ZFHX4: variants seen among roughly 807,000 people sequenced by gnomAD.
ZFHX4 encodes the protein zinc finger homeobox 4, also known as zinc finger homeobox protein 4.
Under a neutral mutation model 267.6 loss-of-function variants are expected in ZFHX4, and 56 were observed. The ratio of observed to expected loss-of-function variants is 0.21; its 90% CI spans 0.17 to 0.26. The LOEUF is 0.26. ZFHX4 is among the 10% of genes least tolerant of loss of function. The pLI, the probability that ZFHX4 is intolerant of heterozygous loss-of-function variation, is 1.00. For synonymous variants in ZFHX4, 1,778 were observed against 1,665.6 expected (o/e 1.07, Z -1.64); for missense variants, 4,332 against 4,420.0 (o/e 0.98, Z 0.56).
intron 3 of ZFHX4, among the ~76,000 whole-genome samples, chr8:76,766,450 T>A (rs1174296466): frequency 6.6e-6 from 1 of 152,142 alleles, no homozygotes; most frequent in Non-Finnish European, 1.5e-5. Context: ...TTAATTTTTA[T>A]CTCACATGTA....
intron 10 of ZFHX4, among the ~76,000 whole-genome samples, chr8:76,856,836 G>C (rs771934993): frequency 2.0e-5 from 3 of 152,068 alleles, no homozygotes; most frequent in African/African-American, 4.8e-5. Flanking sequence ...AGATTAATAG[G>C]ACTTATGTTT....
chr8:76,698,649 ATCT>A (rs1233584929), intron 1 of ZFHX4, among the ~76,000 whole-genome samples: 6 of 152,102 alleles, frequency 3.9e-5, no homozygotes, highest in South Asian at 4.1e-4. Flanking sequence ...AAGAAAACAA[ATCT>A]TCTTTGACTA....
chr8:76,848,921 T>C (rs1285536547), intron 6 of ZFHX4, 74 bp from the exon 7 acceptor site: 3 of 1,392,302 alleles, frequency 2.2e-6, no homozygotes, highest in Non-Finnish European at 2.8e-6. Flanking sequence ...GTCGCAAATG[T>C]TTGAAAAACA....
chr8:76,689,153 A>G (rs1200522541), intron 1 of ZFHX4, among the ~76,000 whole-genome samples: 1 of 152,146 alleles, frequency 6.6e-6, no homozygotes, highest in Admixed American at 6.5e-5. Flanking sequence ...TTAAAAGAAC[A>G]AAAAAATCCA....
At chr8:76,691,559 C>T (rs961032174) in intron 1 of ZFHX4, among the ~76,000 whole-genome samples, 5 of 151,942 alleles carry the variant, frequency 3.3e-5, no homozygotes, top group African/African-American at 4.8e-5. Flanking sequence ...ATTATTTAAA[C>T]GACATTATTT....
rs376246665 is a variant in ZFHX4 at position 76,854,626 on chromosome 8, A to G, written c.7705A>G (p.Thr2569Ala). The G allele has an allele frequency of 6.2e-7, 1 of 1,613,572 alleles. No individual in the cohort carries two copies. Among genetic ancestry groups the G allele is most frequent in the Non-Finnish European group, 8.5e-7 (1 of 1,179,860 alleles). The change falls in exon 10 of 11, where the codon ACA (threonine) becomes GCA (alanine). Residue 2569 changes from threonine to alanine, a missense_variant. Physicochemically the swap from Thr to Ala is moderately conservative, Grantham distance 58. This residue lies in a region of ZFHX4 where 1,648 missense variants were observed against 1,625.0 expected (regional missense o/e 1.01). Transcript: ENST00000651372. ...MPPQASSSHT[T>A]APTTVAASLK... Reference sequence around the variant, plus strand: ...CCCTCAGGCCAGTTCCTCCCACACCACAGCCCCCACAACGGTTGCTGCTTC... The same window carrying G: ...CCCTCAGGCCAGTTCCTCCCACACCGCAGCCCCCACAACGGTTGCTGCTTC...
intron 4 of ZFHX4, among the ~76,000 whole-genome samples, chr8:76,781,269 T>C (rs1421233491): frequency 6.6e-6 from 1 of 152,128 alleles, no homozygotes; most frequent in African/African-American, 2.4e-5. Flanking sequence ...TTCCTGATAA[T>C]GAATTTGCAC....
At chr8:76,835,227 A>ATATATATATATGTATATATATG (rs1554572148) in intron 5 of ZFHX4, among the ~76,000 whole-genome samples, 2 of 59,086 alleles carry the variant, frequency 3.4e-5, no homozygotes, top group Non-Finnish European at 6.6e-5. Flanking sequence ...ATGTATATAT[A>ATATATATATATGTATATATATG]TATATATATA....
chr8:76,689,544 C>T (rs993435096), intron 1 of ZFHX4, among the ~76,000 whole-genome samples: 7 of 152,106 alleles, frequency 4.6e-5, no homozygotes, highest in African/African-American at 1.7e-4. Flanking sequence ...CACTCACAGT[C>T]TTTGATGGCT....
intron 3 of ZFHX4, among the ~76,000 whole-genome samples, chr8:76,741,455 G>A (rs1809313267): frequency 6.6e-6 from 1 of 152,154 alleles, no homozygotes; most frequent in Non-Finnish European, 1.5e-5. Context: ...ACATTCCAAT[G>A]GCCAGGAGCA....
At position 76,705,112 on chromosome 8, in the gene ZFHX4, A is replaced by G. The variant is rs762267675; in HGVS notation, c.1024A>G (p.Thr342Ala). The change falls in exon 2 of 11, where the codon ACT (threonine) becomes GCT (alanine). Residue 342 changes from threonine (T) to alanine (A), a missense_variant. By Grantham distance (58) the Thr-to-Ala change is moderately conservative. Around this residue, in one of 7 missense-constraint regions of ZFHX4, gnomAD observed 1,195 missense variants for 1,173.6 expected, o/e 1.02. Coordinates refer to ENST00000651372, the MANE Select transcript of ZFHX4 (RefSeq NM_024721.5). Reference protein sequence around the residue: ...LISFLEPKKSTSVYPHFSTTN... With the variant: ...LISFLEPKKSASVYPHFSTTN... Reference sequence around the variant, plus strand: ...AAGCTTTCTGGAACCAAAAAAATCCACTTCTGTTTATCCCCATTTTTCTAC... The same window carrying G: ...AAGCTTTCTGGAACCAAAAAAATCCGCTTCTGTTTATCCCCATTTTTCTAC... 1.9e-6 allele frequency: 3 copies of G among 1,613,374 alleles called. No individual in the cohort carries two copies. The highest frequency in any genetic ancestry group is 1.1e-5 in the South Asian group (1 of 91,026).
intron 5 of ZFHX4, among the ~76,000 whole-genome samples, chr8:76,839,699 AT>A (rs1812185398): frequency 6.6e-6 from 1 of 152,174 alleles, no homozygotes; most frequent in Non-Finnish European, 1.5e-5. Context: ...CCGCTTTGGC[AT>A]CTTTATTTTG....
chr8:76,712,150 T>C (rs534313225), intron 3 of ZFHX4, among the ~76,000 whole-genome samples: 2 of 152,162 alleles, frequency 1.3e-5, no homozygotes, highest in Non-Finnish European at 2.9e-5. Context: ...ATTGCCTGTC[T>C]CCATGGTGAG....
At chr8:76,702,985 C>CACAT (rs1415903447) in intron 1 of ZFHX4, among the ~76,000 whole-genome samples, 2 of 151,988 alleles carry the variant, frequency 1.3e-5, no homozygotes, top group African/African-American at 4.8e-5. Context: ...CACACACACA[C>CACAT]ACACAAACGA....
Position 76,852,391 on chromosome 8 carries a change from C to T in ZFHX4, c.5470C>T (p.Gln1824Ter). The T allele has an allele frequency of 6.4e-7, 1 of 1,554,464 alleles. No homozygotes were observed. Among genetic ancestry groups the T allele is most frequent in the Non-Finnish European group, 8.7e-7 (1 of 1,148,374 alleles). Residue 1824 changes from glutamine (Q) to a stop codon, truncating the protein, a stop_gained, in exon 10 of 11, where the codon CAG becomes TAG. Coordinates refer to ENST00000651372, the MANE Select transcript of ZFHX4 (RefSeq NM_024721.5). LOFTEE classifies it high-confidence loss of function. ...ACAGCAGCAGCCACCACCTCCACAGCAGCAGCAGCAACAGCAGGCAAGCAA... is the reference window on the plus strand; with the variant it reads ...ACAGCAGCAGCCACCACCTCCACAGTAGCAGCAGCAACAGCAGGCAAGCAA... ...KQQQQPPPPQ[Q>*]QQQQQASKLL...
chr8:76,804,347 CT>C (rs1811194046), intron 4 of ZFHX4, among the ~76,000 whole-genome samples: 1 of 151,970 alleles, frequency 6.6e-6, no homozygotes, highest in South Asian at 2.1e-4. Context: ...TATTTAGTGA[CT>C]TTATGATTTC....
chr8:76,681,741 G>A (rs1807534972), intron 1 of ZFHX4, 121 bp downstream of exon 1: 1 of 330,746 alleles, frequency 3.0e-6, no homozygotes, highest in Non-Finnish European at 5.4e-6. Flanking sequence ...CTCCCTCTCC[G>A]CCTCTCTTCC....
At chr8:76,688,815 A>G (rs1410122333) in intron 1 of ZFHX4, among the ~76,000 whole-genome samples, 2 of 152,140 alleles carry the variant, frequency 1.3e-5, no homozygotes, top group South Asian at 2.1e-4. Context: ...CTGTCTCAGA[A>G]CAAGGTTAGA....
chr8:76,682,056 AGTG>A (rs937358260), intron 1 of ZFHX4, among the ~76,000 whole-genome samples: 26 of 152,030 alleles, frequency 1.7e-4, no homozygotes, highest in African/African-American at 5.8e-4. Flanking sequence ...CGGGCATTCT[AGTG>A]GCTGGGGGAA....
Sources: gnomAD v4.1 joint callset for allele counts (sites outside exome capture counted in the v4.1 genomes callset) on GRCh38, gnomAD v4.1.1 for gene constraint, gnomAD v4.1.1 regional missense constraint, MANE v1.5 for transcripts, NCBI Gene and HGNC (gene_info 2026-07-23, HGNC 2026-07-21) for gene names.